ANKRD26: variants seen among roughly 807,000 people sequenced by gnomAD.
ANKRD26 encodes ankyrin repeat domain 26.
A neutral mutation model predicts 208.7 loss-of-function variants in ANKRD26; 141 were observed. The observed-to-expected ratio is 0.68, with a 90% CI of 0.59 to 0.78. ANKRD26 has a LOEUF of 0.78. ANKRD26 is among the 30% of genes least tolerant of loss of function. The probability of loss-of-function intolerance (pLI) is 0.00; values close to 1 mark genes in which losing one functional copy is unlikely to be tolerated. For synonymous variants in ANKRD26, 636 were observed against 660.4 expected, an observed-to-expected ratio of 0.96 and a Z score of 0.57; for missense variants, 1,889 against 1,938.7, an observed-to-expected ratio of 0.97 and a Z score of 0.48.
At chr10:27,061,854 G>T (rs762850529) in intron 12 of ANKRD26, 95 of 882,976 alleles carry the variant, frequency 1.1e-4, no homozygotes, top group Non-Finnish European at 1.2e-4. Flanking sequence ...AAACCACCAA[G>T]ATCAGTCCAA....
intron 9 of ANKRD26, 177 bp downstream of exon 9, chr10:27,077,161 T>C (rs985756205): frequency 9.7e-6 from 6 of 616,642 alleles, no homozygotes; most frequent in Non-Finnish European, 1.7e-5. Context: ...CATGATCAAG[T>C]GGGTTTCATT....
At chr10:27,066,052 G>A (rs1200563077) in intron 11 of ANKRD26, among the ~76,000 whole-genome samples, 3 of 151,402 alleles carry the variant, frequency 2.0e-5, no homozygotes, top group Non-Finnish European at 1.5e-5. Context: ...TTGTAGAGAT[G>A]GGACTTCACC....
At chr10:26,948,884 A>G in the ANKRD26 span, among the ~76,000 whole-genome samples, 2 of 152,250 alleles carry the variant, frequency 1.3e-5, no homozygotes, top group South Asian at 4.1e-4. Flanking sequence ...AATCCCAGCT[A>G]CTTGGGAGGC....
intron 25 of ANKRD26, chr10:27,030,272 G>T: frequency 1.6e-6 from 1 of 629,428 alleles, no homozygotes; most frequent in Non-Finnish European, 2.0e-6. Context: ...CAGAACTTTT[G>T]CCAATTCCAC....
chr10:26,994,529 G>A lies in ANKRD26; in HGVS notation c.*29+512C>T, dbSNP rs370452717. 8.6e-5 allele frequency among the ~76,000 whole-genome samples: 13 copies of A among 151,660 alleles called. No individual in the cohort carries two copies. The East Asian group carries it at 2.1e-3, about 25-fold the overall frequency. On this transcript the variant is annotated intron_variant, in intron 5 of 5. Coordinates refer to the ANKRD26 transcript ENST00000445828. Reference sequence around the variant, plus strand: ...TCCAAGTAGATTTCCCTCTCGTTTGGGCTATGCTCTGGGTTTTCTTCAACA... The same window carrying A: ...TCCAAGTAGATTTCCCTCTCGTTTGAGCTATGCTCTGGGTTTTCTTCAACA...
At position 27,048,845 on chromosome 10, in the gene ANKRD26, A is replaced by T. The variant is rs1382606481; in HGVS notation, c.1770T>A (p.Thr590=). Residue 590 remains threonine, a synonymous_variant, in exon 17 of 34, where the codon ACT becomes ACA. Transcript: ENST00000376087. ...GLIQKRKSGE[T]DHQQFPRKEN... ...CCTTCCTGGGAAATTGCTGATGATCAGTTTCTCCACTCTTTCTTTTTTGAA... is the reference window on the plus strand; with the variant it reads ...CCTTCCTGGGAAATTGCTGATGATCTGTTTCTCCACTCTTTCTTTTTTGAA... 2 of 1,613,112 alleles carry T rather than the reference A, an allele frequency of 1.2e-6. No individual in the cohort carries two copies. The highest frequency in any genetic ancestry group is 1.7e-6 in the Non-Finnish European group (2 of 1,179,704).
At chr10:27,012,144 T>C (rs1223460965) in intron 32 of ANKRD26, among the ~76,000 whole-genome samples, 1 of 152,208 alleles carries the variant, frequency 6.6e-6, no homozygotes, top group Non-Finnish European at 1.5e-5. Context: ...CATTCACTTA[T>C]GATTAAGGGT....
the ANKRD26 span, among the ~76,000 whole-genome samples, chr10:26,959,867 T>A: frequency 6.6e-6 from 1 of 152,284 alleles, no homozygotes; most frequent in Admixed American, 6.5e-5. Context: ...AGTTAACTTA[T>A]AACTTAGTAA....
At chr10:26,975,687 C>T (rs1322933999) in exon 6 of ANKRD26, among the ~76,000 whole-genome samples, 2 of 151,738 alleles carry the variant, frequency 1.3e-5, no homozygotes, top group African/African-American at 4.8e-5. Flanking sequence ...AAAAAATATA[C>T]AAAAAATAGT....
chr10:27,060,346 T>A lies in ANKRD26; in HGVS notation c.1563A>T (p.Ala521=). 1 of 1,601,554 alleles carries A rather than the reference T, an allele frequency of 6.2e-7. No individual in the cohort carries two copies. The highest frequency in any genetic ancestry group is 8.6e-7 in the Non-Finnish European group (1 of 1,168,882). ...GGMKDVQTSK[A]AEHDLEVASE... is the part of the protein sequence containing the mutation. ...TTAAATATATATTGCAACATTTACC[T>A]GCTTTGGATGTTTGTACATCCTTCA... The change falls in exon 15 of 34, where the codon GCA becomes GCT. Residue 521 remains alanine (A), a splice_region_variant and synonymous_variant. Coordinates refer to ENST00000376087, the MANE Select transcript of ANKRD26 (RefSeq NM_014915.3).
intron 1 of ANKRD26, among the ~76,000 whole-genome samples, chr10:27,094,987 G>A (rs1241438323): frequency 6.8e-6 from 1 of 146,020 alleles, no homozygotes; most frequent in Non-Finnish European, 1.5e-5. Context: ...GCAACAGAGA[G>A]AGACCCTGTC....
intron 1 of ANKRD26, 140 bp downstream of exon 1, chr10:27,099,945 C>T: frequency 7.4e-7 from 1 of 1,353,442 alleles, no homozygotes; most frequent in Non-Finnish European, 1.0e-6. Flanking sequence ...GGCGCTGGAG[C>T]CCTGCAAGGT....
chr10:27,070,214 A>G (rs2055431026), intron 9 of ANKRD26, among the ~76,000 whole-genome samples: 1 of 152,028 alleles, frequency 6.6e-6, no homozygotes, highest in Admixed American at 6.6e-5. Context: ...AGACCAGCCA[A>G]CATAGCAAAA....
intron 24 of ANKRD26, 59 bp downstream of exon 24, chr10:27,034,737 T>C (rs947622716): frequency 2.7e-6 from 3 of 1,111,988 alleles, no homozygotes; most frequent in Non-Finnish European, 2.6e-6. Flanking sequence ...CATAACTATA[T>C]ATTATTTTAA....
chr10:27,050,061 A>T (rs1355626285), intron 16 of ANKRD26, among the ~76,000 whole-genome samples: 1 of 151,768 alleles, frequency 6.6e-6, no homozygotes, highest in Non-Finnish European at 1.5e-5. Flanking sequence ...TCTCTACTAA[A>T]ATACAAAAAT....
intron 16 of ANKRD26, chr10:27,052,269 CT>C: frequency 1.3e-6 from 1 of 777,372 alleles, no homozygotes; most frequent in Non-Finnish European, 1.6e-6. Flanking sequence ...ACTAATTTGC[CT>C]TAGCCTAAAA....
At chr10:27,015,640 C>G (rs1012290259) in intron 30 of ANKRD26, among the ~76,000 whole-genome samples, 6 of 152,202 alleles carry the variant, frequency 3.9e-5, no homozygotes, top group Non-Finnish European at 7.4e-5. Context: ...AGACTCCTAT[C>G]TCTCACTAGC....
Position 27,046,468 on chromosome 10 carries a change from TC to T in ANKRD26, c.1869del (p.Thr624ProfsTer6), listed in dbSNP as rs753411480. On this transcript the variant is annotated frameshift_variant, in exon 18 of 34. Transcript: ENST00000376087. LOFTEE classifies it high-confidence loss of function. ...KEVKSTEKEK[R>X]TSKESVNSPV... ...GGTGAATTCACAGATTCTTTCGAGGTCCGTTTTTCTTTTTCAGTGCTCTTTA... is the reference window on the plus strand; with the variant it reads ...GGTGAATTCACAGATTCTTTCGAGGTCGTTTTTCTTTTTCAGTGCTCTTTA... 15 of 1,613,924 alleles carry T rather than the reference TC, an allele frequency of 9.3e-6. No homozygotes were observed. Among genetic ancestry groups the T allele is most frequent in the African/African-American group, 1.3e-5 (1 of 74,890 alleles).
rs749858810 is a variant in ANKRD26, at chr10:27,077,428, TTTGA to T, written c.983_986del (p.Ile328LysfsTer24). On this transcript the variant is annotated frameshift_variant, in exon 9 of 34. Coordinates refer to ENST00000376087, the MANE Select transcript of ANKRD26 (RefSeq NM_014915.3). LOFTEE classifies it high-confidence loss of function. Reference sequence around the variant, plus strand: ...AGGTAGGATGAGAAAAGCACTGGACTTTGATTGATGTTGTAGGAAGGCTTTCAAC... The same window carrying T: ...AGGTAGGATGAGAAAAGCACTGGACTTTGATGTTGTAGGAAGGCTTTCAAC... 6.8e-6 allele frequency: 11 copies of T among 1,614,050 alleles called. No homozygotes were observed. The East Asian group carries it at 8.9e-5, about 13-fold the overall frequency.
Sources: gnomAD v4.1 joint callset for allele counts (sites outside exome capture counted in the v4.1 genomes callset) on GRCh38, gnomAD v4.1.1 for gene constraint, MANE v1.5 for transcripts, NCBI Gene and HGNC (gene_info 2026-07-23, HGNC 2026-07-21) for gene names.